The following CA10 variants were observed in gnomAD, a reference collection of about 807,000 sequenced individuals.
CA10 encodes carbonic anhydrase-related protein 10.
A neutral mutation model predicts 44.2 loss-of-function variants in CA10; 14 were observed. The ratio of observed to expected loss-of-function variants is 0.32; its 90% CI spans 0.21 to 0.50. The LOEUF (loss-of-function observed/expected upper bound fraction) is 0.50, where lower values mean the gene tolerates loss of function less well. CA10 is among the 20% of genes least tolerant of loss of function. CA10 has a pLI of 0.99. For synonymous variants in CA10, 159 were observed against 141.6 expected, an observed-to-expected ratio of 1.12 and a Z score of -0.87; for missense variants, 350 against 409.7, an observed-to-expected ratio of 0.85 and a Z score of 1.26.
chr17:52,062,120 T>C (rs1987404846), intron 2 of CA10, among the ~76,000 whole-genome samples: 1 of 133,974 alleles, frequency 7.5e-6, no homozygotes. Flanking sequence ...CAGGCTGGAG[T>C]GCAGTGGCAC....
chr17:52,072,930 C>A (rs1987724067), intron 1 of CA10, among the ~76,000 whole-genome samples: 1 of 151,976 alleles, frequency 6.6e-6, no homozygotes, highest in Non-Finnish European at 1.5e-5. Context: ...ACATCACAGG[C>A]AAAAAGGGCA....
At chr17:51,830,499 G>A (rs574170774) in intron 3 of CA10, among the ~76,000 whole-genome samples, 1 of 151,878 alleles carries the variant, frequency 6.6e-6, no homozygotes, top group South Asian at 2.1e-4. Context: ...AGTTTCTATT[G>A]TTTTTATTCA....
chr17:52,017,434 A>G (rs1986003198), intron 2 of CA10, among the ~76,000 whole-genome samples: 1 of 152,102 alleles, frequency 6.6e-6, no homozygotes, highest in African/African-American at 2.4e-5. Flanking sequence ...AATAAAGTTT[A>G]CCCATGTTGT....
chr17:52,076,878 G>A (rs929684717), intron 1 of CA10, among the ~76,000 whole-genome samples: 26 of 152,198 alleles, frequency 1.7e-4, no homozygotes, highest in African/African-American at 2.6e-4. Context: ...ACAGAGAGCC[G>A]CCTGAGCTTT....
intron 2 of CA10, among the ~76,000 whole-genome samples, chr17:52,042,124 C>G (rs1259942246): frequency 6.6e-6 from 1 of 152,000 alleles, no homozygotes; most frequent in East Asian, 1.9e-4. Flanking sequence ...AGTGAGACAG[C>G]AGGATCATAC....
intron 3 of CA10, among the ~76,000 whole-genome samples, chr17:51,924,950 CAAA>C (rs1042074627): frequency 6.6e-6 from 1 of 152,108 alleles, no homozygotes; most frequent in African/African-American, 2.4e-5. Flanking sequence ...AAATTTCAAA[CAAA>C]AAACCTGAAG....
At chr17:52,106,272 A>C (rs1189551922) in intron 1 of CA10, among the ~76,000 whole-genome samples, 1 of 152,146 alleles carries the variant, frequency 6.6e-6, no homozygotes, top group African/African-American at 2.4e-5. Context: ...TCCGTTTCCA[A>C]ATGCTGCAAC....
chr17:51,649,551 G>T (rs140722570), intron 5 of CA10, among the ~76,000 whole-genome samples: 107 of 152,310 alleles, frequency 7.0e-4, no homozygotes, highest in African/African-American at 2.3e-3. Context: ...TCTAAGTCAT[G>T]AGTCTGAGAG....
intron 5 of CA10, among the ~76,000 whole-genome samples, chr17:51,652,852 G>A (rs979012998): frequency 6.6e-6 from 1 of 152,100 alleles, no homozygotes; most frequent in African/African-American, 2.4e-5. Context: ...ATCCCCAGGG[G>A]CTAGCATGGT....
In CA10 at chr17:52,065,442, T is replaced by G. The variant is rs369654446; in HGVS notation, c.136+6877A>C. ...GCTGTCTATTCTGACCCAAGTTTGT[T>G]TGGCAAACATTGAGCCCCTGGTGCA... On this transcript the variant is annotated intron_variant, in intron 2 of 8. Coordinates refer to ENST00000451037, the MANE Select transcript of CA10 (RefSeq NM_020178.5). Among the ~76,000 whole-genome samples the G allele has an allele frequency of 2.0e-4, 31 of 152,310 alleles. 2 individuals are homozygous for G. The South Asian group carries it at 6.4e-3, about 32-fold the overall frequency.
In CA10 at chr17:52,086,105, G is replaced by C. The variant is rs531076418; in HGVS notation, c.62-13712C>G. On this transcript the variant is annotated intron_variant, in intron 1 of 8. Coordinates refer to ENST00000451037, the MANE Select transcript of CA10 (RefSeq NM_020178.5). The stretch of plus-strand genomic sequence containing the variant: ...TCATTATGTTTGCATACTCATTCTA[G>C]GTCTTTATTTTGGAGTGGTTTACAG... Among the ~76,000 whole-genome samples, 19 of 152,192 alleles carry C rather than the reference G, an allele frequency of 1.2e-4. No homozygotes were observed. The East Asian group carries it at 3.3e-3, about 26-fold the overall frequency.
intron 3 of CA10, among the ~76,000 whole-genome samples, chr17:51,888,393 T>G (rs1021758822): frequency 1.3e-5 from 2 of 152,202 alleles, no homozygotes; most frequent in Admixed American, 6.5e-5. Flanking sequence ...ATTGTAGATT[T>G]CTCCAAACTA....
chr17:51,801,788 G>A (rs192747911), intron 3 of CA10, among the ~76,000 whole-genome samples: 54 of 152,284 alleles, frequency 3.5e-4, no homozygotes, highest in African/African-American at 1.3e-3. Flanking sequence ...TTTATGATAG[G>A]GATCTAACCC....
intron 2 of CA10, among the ~76,000 whole-genome samples, chr17:52,068,482 A>G (rs1051070579): frequency 6.6e-6 from 1 of 152,192 alleles, no homozygotes; most frequent in Non-Finnish European, 1.5e-5. Flanking sequence ...TGTGCTGTCA[A>G]GTATTCCTCA....
At chr17:52,136,125 G>C (rs1402443308) in intron 1 of CA10, among the ~76,000 whole-genome samples, 2 of 152,154 alleles carry the variant, frequency 1.3e-5, no homozygotes. Context: ...GTGGAGACAA[G>C]TCTCAGAGAA....
intron 1 of CA10, among the ~76,000 whole-genome samples, chr17:52,118,181 T>C (rs1270582198): frequency 1.3e-5 from 2 of 152,182 alleles, no homozygotes; most frequent in Admixed American, 1.3e-4. Context: ...ATAGTAAGGG[T>C]AAAATTACTA....
chr17:51,966,061 T>C (rs1190670048), intron 2 of CA10, among the ~76,000 whole-genome samples: 1 of 151,958 alleles, frequency 6.6e-6, no homozygotes, highest in Non-Finnish European at 1.5e-5. Context: ...GTACCATTTC[T>C]ATAGACCAGT....
chr17:51,631,543 G>C lies in CA10; in HGVS notation c.*41C>G. On this transcript the variant is annotated 3_prime_UTR_variant, in exon 9 of 9. Transcript: ENST00000451037. ...TTCTAGGTTACGTCAATTCACAGTT[G>C]TAGCATTTCACTGAGGTGGGATTCT... 1 of 1,573,754 alleles carries C rather than the reference G, an allele frequency of 6.4e-7. No individual in the cohort carries two copies. Among genetic ancestry groups the C allele is most frequent in the Non-Finnish European group, 8.7e-7 (1 of 1,143,590 alleles).
intron 2 of CA10, among the ~76,000 whole-genome samples, chr17:51,975,317 A>G (rs937384323): frequency 1.3e-5 from 2 of 152,246 alleles, no homozygotes; most frequent in African/African-American, 4.8e-5. Flanking sequence ...AATTGTAAAT[A>G]ATTACATTAA....
Sources: gnomAD v4.1 joint callset for allele counts (sites outside exome capture counted in the v4.1 genomes callset) on GRCh38, gnomAD v4.1.1 for gene constraint, MANE v1.5 for transcripts, NCBI Gene and HGNC (gene_info 2026-07-23, HGNC 2026-07-21) for gene names.